HS3ST1: variants seen among roughly 807,000 people sequenced by gnomAD.
HS3ST1 encodes heparan sulfate glucosamine 3-O-sulfotransferase 1.
HS3ST1 carries 8 observed loss-of-function variants against 20.7 expected under a neutral mutation model. That is an observed-to-expected ratio of 0.39 (90% CI 0.23 to 0.70). The LOEUF (loss-of-function observed/expected upper bound fraction) is 0.70. Among genes scored for constraint, HS3ST1 ranks in the 30% least tolerant of loss-of-function variants. The pLI is 0.46. For missense variants in HS3ST1, 436 were observed against 423.4 expected (o/e 1.03, Z -0.26); for synonymous variants, 205 against 190.4 (o/e 1.08, Z -0.63).
At chr4:11,412,398 C>G (rs989349171) in intron 1 of HS3ST1, among the ~76,000 whole-genome samples, 1 of 152,184 alleles carries the variant, frequency 6.6e-6, no homozygotes, top group Non-Finnish European at 1.5e-5. Context: ...TCATGCATGG[C>G]TCTCTTGGAA....
At chr4:11,402,257 A>G (rs1718345966) in intron 1 of HS3ST1, among the ~76,000 whole-genome samples, 1 of 152,236 alleles carries the variant, frequency 6.6e-6, no homozygotes, top group Admixed American at 6.5e-5. Flanking sequence ...AAGGTTTTAG[A>G]GAACCACAGT....
At chr4:11,417,048 T>C (rs985696883) in intron 1 of HS3ST1, among the ~76,000 whole-genome samples, 3 of 152,110 alleles carry the variant, frequency 2.0e-5, no homozygotes, top group African/African-American at 7.2e-5. Context: ...ATGAGGTATG[T>C]ATACAGAACA....
rs1718188946 is a variant in HS3ST1, at chr4:11,398,163, AT to A, written c.*918del. The A allele has an allele frequency of 6.6e-6, 1 of 152,252 alleles. No individual in the cohort carries two copies. 9.4% of individuals were successfully genotyped at this position (152,252 alleles called of 1,614,324 possible). The stretch of plus-strand genomic sequence containing the variant: ...TTATGTCTCAGTGCATATGGAATAT[AT>A]GTCTATAATGCCAATGTGTCTTTCA... On this transcript the variant is annotated 3_prime_UTR_variant, in exon 2 of 2. Transcript: ENST00000002596.
In HS3ST1 at chr4:11,396,708, G is replaced by A. The variant is rs1380218229; in HGVS notation, c.*2374C>T. The A allele has an allele frequency of 6.6e-6, 1 of 152,268 alleles. No homozygotes were observed. Among genetic ancestry groups the A allele is most frequent in the Non-Finnish European group, 1.5e-5 (1 of 68,140 alleles). The allele number at this position is 152,268 out of a possible 1,614,324, so 9.4% of individuals were successfully genotyped here. ...GGCTGGGGTTGTACCAAAAATGAAT[G>A]AACAGATAGTGCCACTAGGACCTCT... is the stretch of plus-strand genomic sequence containing the variant. On this transcript the variant is annotated 3_prime_UTR_variant, in exon 2 of 2. Transcript: ENST00000002596.
In HS3ST1 at chr4:11,412,441, C is replaced by T. The variant is rs116029074; in HGVS notation, c.-108-12328G>A. 5.9e-3 allele frequency among the ~76,000 whole-genome samples: 892 copies of T among 152,294 alleles called. 7 individuals carry two copies. Among genetic ancestry groups the T allele is most frequent in the African/African-American group, 0.02 (825 of 41,572 alleles). Reference sequence around the variant, plus strand: ...TTTCAAGAGAATTTTCCAAGAGCCACGGAATCCAAAATTCCTAGCCAAAGT... The same window carrying T: ...TTTCAAGAGAATTTTCCAAGAGCCATGGAATCCAAAATTCCTAGCCAAAGT... On this transcript the variant is annotated intron_variant, in intron 1 of 1. Transcript: ENST00000002596.
chr4:11,411,586 T>A (rs1718636650), intron 1 of HS3ST1, among the ~76,000 whole-genome samples: 1 of 152,190 alleles, frequency 6.6e-6, no homozygotes, highest in African/African-American at 2.4e-5. Context: ...AAACAACACC[T>A]AGATCGTGCA....
rs1355586460 is a variant in HS3ST1 at position 11,395,425 on chromosome 4, A to G, written c.*3657T>C. 1 of 151,600 alleles carries G rather than the reference A, an allele frequency of 6.6e-6. No homozygotes were observed. Among genetic ancestry groups the G allele is most frequent in the Non-Finnish European group, 1.5e-5 (1 of 67,928 alleles). The allele number at this position is 151,600 out of a possible 1,614,324, so 9.4% of individuals were successfully genotyped here. ...GCAAGAATCCTTTCTTCTGAAAAAA[A>G]TGACTTGAAGTCAGGATTACTTTTT... On this transcript the variant is annotated 3_prime_UTR_variant, in exon 2 of 2. Coordinates refer to ENST00000002596, the MANE Select transcript of HS3ST1 (RefSeq NM_005114.4).
intron 1 of HS3ST1, among the ~76,000 whole-genome samples, chr4:11,428,077 A>C (rs780280788): frequency 8.5e-5 from 13 of 152,102 alleles, no homozygotes; most frequent in Non-Finnish European, 1.5e-4. Flanking sequence ...AAGGGGGAAA[A>C]AAATCAGTAA....
intron 1 of HS3ST1, among the ~76,000 whole-genome samples, chr4:11,400,450 A>G (rs1213238173): frequency 1.3e-5 from 2 of 152,178 alleles, no homozygotes; most frequent in Non-Finnish European, 1.5e-5. Context: ...TTCACGTGTC[A>G]TTAAATATTA....
intron 1 of HS3ST1, among the ~76,000 whole-genome samples, chr4:11,406,856 C>CT (rs879811968): frequency 7.0e-4 from 101 of 144,540 alleles, no homozygotes; most frequent in South Asian, 8.8e-4. Flanking sequence ...ACAAAACTGT[C>CT]TTTTTTTTTT....
In HS3ST1 at chr4:11,418,381, A is replaced by G. The variant is rs545241851; in HGVS notation, c.-109+10318T>C. ...GCTCTCTAATGGGTGCTTTGCATACATTATGAAATGTGATTCTCACAACAA... is the reference window on the plus strand; with the variant it reads ...GCTCTCTAATGGGTGCTTTGCATACGTTATGAAATGTGATTCTCACAACAA... On this transcript the variant is annotated intron_variant, in intron 1 of 1. Coordinates refer to ENST00000002596, the MANE Select transcript of HS3ST1 (RefSeq NM_005114.4). Among the ~76,000 whole-genome samples the G allele has an allele frequency of 3.9e-5, 6 of 152,370 alleles. No homozygotes were observed. In the South Asian group the frequency reaches 1.0e-3, roughly 26 times the overall value.
intron 1 of HS3ST1, among the ~76,000 whole-genome samples, chr4:11,415,178 A>AAT (rs1252740528): frequency 1.3e-5 from 2 of 152,244 alleles, no homozygotes; most frequent in African/African-American, 4.8e-5. Flanking sequence ...ACTTTGAACT[A>AAT]ATGTCCAGGC....
chr4:11,422,293 C>T lies in HS3ST1; in HGVS notation c.-109+6406G>A, dbSNP rs188765013. ...TCCTAACTCCCCCAGACAGAAATGC[C>T]GCCTGTTTCTTCTTTTCTGAGCAAT... On this transcript the variant is annotated intron_variant, in intron 1 of 1. Transcript: ENST00000002596. Among the ~76,000 whole-genome samples, 501 of 152,262 alleles carry T rather than the reference C, an allele frequency of 3.3e-3. 2 individuals carry two copies. Among genetic ancestry groups the T allele is most frequent in the African/African-American group, 9.8e-3 (408 of 41,544 alleles).
chr4:11,432,612 AG>A (rs1719226810), upstream of HS3ST1, among the ~76,000 whole-genome samples: 3 of 152,354 alleles, frequency 2.0e-5, no homozygotes, highest in Admixed American at 1.3e-4. Flanking sequence ...AGTTGGGTAG[AG>A]GGAAGGGCGT....
intron 1 of HS3ST1, among the ~76,000 whole-genome samples, chr4:11,405,302 G>C (rs1718435574): frequency 1.3e-5 from 2 of 152,200 alleles, no homozygotes; most frequent in Admixed American, 1.3e-4. Context: ...GAATTGAAAA[G>C]ATTAAGGTCC....
upstream of HS3ST1, among the ~76,000 whole-genome samples, chr4:11,433,525 G>A (rs1211971524): frequency 1.3e-5 from 2 of 152,172 alleles, no homozygotes; most frequent in Non-Finnish European, 2.9e-5. Flanking sequence ...CCTGCTGAGT[G>A]CTGGAATACC....
At chr4:11,411,023 A>G (rs1172298187) in intron 1 of HS3ST1, among the ~76,000 whole-genome samples, 3 of 152,220 alleles carry the variant, frequency 2.0e-5, no homozygotes, top group Non-Finnish European at 4.4e-5. Context: ...GACTTGAGAA[A>G]AGTTAATGGT....
At chr4:11,408,207 G>A (rs1000150615) in intron 1 of HS3ST1, among the ~76,000 whole-genome samples, 40 of 152,294 alleles carry the variant, frequency 2.6e-4, no homozygotes, top group South Asian at 1.7e-3. Flanking sequence ...GAAACTCAGA[G>A]CTTGAGATTG....
intron 1 of HS3ST1, among the ~76,000 whole-genome samples, chr4:11,426,876 G>A (rs1021686935): frequency 2.6e-5 from 4 of 152,208 alleles, no homozygotes; most frequent in African/African-American, 9.6e-5. Flanking sequence ...GCAATCCTGT[G>A]GGGGAAAATC....
Sources: gnomAD v4.1 joint callset for allele counts (sites outside exome capture counted in the v4.1 genomes callset) on GRCh38, gnomAD v4.1.1 for gene constraint, MANE v1.5 for transcripts, NCBI Gene and HGNC (gene_info 2026-07-23, HGNC 2026-07-21) for gene names.